The following HNRNPUL1 variants were observed in gnomAD, a reference collection of about 807,000 sequenced individuals.
The protein encoded by HNRNPUL1 is heterogeneous nuclear ribonucleoprotein U like 1, also known as heterogeneous nuclear ribonucleoprotein U-like protein 1.
HNRNPUL1 carries 14 observed loss-of-function variants against 108.5 expected under a neutral mutation model. The ratio of observed to expected loss-of-function variants is 0.13; its 90% CI spans 0.09 to 0.20. The LOEUF is 0.20. Ranked by LOEUF, HNRNPUL1 falls within the 10% of genes least tolerant of loss-of-function variation. HNRNPUL1 has a pLI of 1.00. For missense variants in HNRNPUL1, 804 were observed against 1,168.3 expected, an observed-to-expected ratio of 0.69 and a Z score of 4.55; for synonymous variants, 422 against 445.2, an observed-to-expected ratio of 0.95 and a Z score of 0.66.
rs10411097 is a variant in HNRNPUL1 at position 41,293,633 on chromosome 19, A to C, written c.1267-705A>C. On this transcript the variant is annotated intron_variant, in intron 8 of 14. Transcript: ENST00000392006. ...AAAGAAAGTTGTACCACTTCTACCCACTCCATGGGGCCAGTCCCAGTACAC... is the reference window on the plus strand; with the variant it reads ...AAAGAAAGTTGTACCACTTCTACCCCCTCCATGGGGCCAGTCCCAGTACAC... Among the ~76,000 whole-genome samples the C allele has an allele frequency of 6.3e-3, 963 of 151,812 alleles. 9 individuals carry two copies. Among genetic ancestry groups the C allele is most frequent in the African/African-American group, 0.022 (910 of 41,366 alleles).
chr19:41,279,124 C>G lies in HNRNPUL1; in HGVS notation c.834C>G (p.Asp278Glu). 1 of 1,614,036 alleles carries G rather than the reference C, an allele frequency of 6.2e-7. No individual in the cohort carries two copies. Among genetic ancestry groups the G allele is most frequent in the South Asian group, 1.1e-5 (1 of 91,082 alleles). The change falls in exon 6 of 15, where the codon GAC (aspartate) becomes GAG (glutamate). Residue 278 changes from aspartate to glutamate, a missense_variant. Coordinates refer to ENST00000392006, the MANE Select transcript of HNRNPUL1 (RefSeq NM_007040.6). Reference sequence around the variant, plus strand: ...AGCACCTTCCGTCTACAGAGCCTGACCCCCACGTGGTCCGTATCGGCTGGT... The same window carrying G: ...AGCACCTTCCGTCTACAGAGCCTGAGCCCCACGTGGTCCGTATCGGCTGGT... The part of the protein sequence containing the change: ...SVKHLPSTEP[D>E]PHVVRIGWSL...
intron 10 of HNRNPUL1, among the ~76,000 whole-genome samples, chr19:41,300,922 A>G (rs1487562238): frequency 1.3e-5 from 2 of 152,248 alleles, no homozygotes; most frequent in Non-Finnish European, 2.9e-5. Flanking sequence ...AACAAACTAC[A>G]AAACTGTCCA....
intron 7 of HNRNPUL1, among the ~76,000 whole-genome samples, chr19:41,281,605 C>T (rs1230213714): frequency 1.3e-5 from 2 of 152,088 alleles, no homozygotes. Context: ...TAGGAAATAG[C>T]CTGTCTGCTC....
At chr19:41,287,852 G>A (rs1171025495) in intron 7 of HNRNPUL1, among the ~76,000 whole-genome samples, 1 of 152,032 alleles carries the variant, frequency 6.6e-6, no homozygotes, top group Non-Finnish European at 1.5e-5. Context: ...CAGCCACTGC[G>A]CCCGGCCCTC....
rs946208215 is a variant in HNRNPUL1 at position 41,281,110 on chromosome 19, G to T, written c.887-53G>T. 1.5e-5 allele frequency: 16 copies of T among 1,102,504 alleles called. No individual in the cohort carries two copies. The African/African-American group carries it at 1.9e-4, about 13-fold the overall frequency. 68.3% of individuals were successfully genotyped at this position (1,102,504 alleles called of 1,614,324 possible). A position where few individuals can be genotyped will look rare whatever the true frequency, so the allele number is the denominator to read the frequency against. On this transcript the variant is annotated intron_variant, in intron 6 of 14. Transcript: ENST00000392006. ...AATAAAAGTATGTGGCAGCCATTGA[G>T]GCTGTTATGACCATCGCAGGTTTAA... is the stretch of plus-strand genomic sequence containing the variant.
At chr19:41,302,465 C>T (rs562368789) in intron 11 of HNRNPUL1, 200 bp from the exon 12 acceptor site, 442 of 673,604 alleles carry the variant, frequency 6.6e-4, no homozygotes, top group African/African-American at 5.5e-4. Flanking sequence ...GTGATCCACC[C>T]GCCTCGGCCT....
At position 41,264,872 on chromosome 19, in the gene HNRNPUL1, C is replaced by T. The variant is rs996141659; in HGVS notation, c.295+74C>T. On this transcript the variant is annotated intron_variant, in intron 1 of 14. Coordinates refer to ENST00000392006, the MANE Select transcript of HNRNPUL1 (RefSeq NM_007040.6). ...GAAAGGGCTGTGGGACGCGGGAGTCCAGCGCCTGAGGTCGGGGAGACGACC... is the reference window on the plus strand; with the variant it reads ...GAAAGGGCTGTGGGACGCGGGAGTCTAGCGCCTGAGGTCGGGGAGACGACC... The T allele has an allele frequency of 8.9e-5, 119 of 1,343,376 alleles. No individual in the cohort carries two copies. In the African/African-American group the frequency reaches 1.4e-3, roughly 16 times the overall value. 83.2% of individuals were successfully genotyped at this position (1,343,376 alleles called of 1,614,324 possible). A position where few individuals can be genotyped will look rare whatever the true frequency, so the allele number is the denominator to read the frequency against.
Position 41,294,702 on chromosome 19 carries a change from C to A in HNRNPUL1, c.1518+16C>A. On this transcript the variant is annotated intron_variant, in intron 10 of 14. Transcript: ENST00000392006. The surrounding 1 kb of genome is among the most constrained non-coding windows in gnomAD (Gnocchi z 4.3). ...CCTAGATCAGGTACTTAATGATGAC[C>A]ATTGTGTCCTCAGGAGAAGGGAGGG... 1.2e-6 allele frequency: 2 copies of A among 1,613,858 alleles called. No homozygotes were observed. Among genetic ancestry groups the A allele is most frequent in the South Asian group, 2.2e-5 (2 of 90,940 alleles).
At chr19:41,303,090 G>A in intron 12 of HNRNPUL1, 141 bp downstream of exon 12, 1 of 967,420 alleles carries the variant, frequency 1.0e-6, no homozygotes, top group South Asian at 2.3e-5. Flanking sequence ...AAACAAGTCA[G>A]ACACGGAGAC....
rs758701018 is a variant in HNRNPUL1, at chr19:41,292,218, T to C, written c.1000-27T>C. The C allele has an allele frequency of 3.4e-5, 54 of 1,610,864 alleles. No individual in the cohort carries two copies. The highest frequency in any genetic ancestry group is 4.3e-5 in the Non-Finnish European group (51 of 1,177,504). On this transcript the variant is annotated intron_variant, in intron 7 of 14. Transcript: ENST00000392006. This position sits in a 1 kb window ranked among gnomAD's most constrained non-coding sequence, Gnocchi z 4.1. The stretch of plus-strand genomic sequence containing the variant: ...CAGTGCCTATGGCAAGAGTTGGCAA[T>C]CATATTCCTTTGGCTTTTTCTCCTA...
chr19:41,293,846 G>A (rs2122838436), intron 8 of HNRNPUL1, among the ~76,000 whole-genome samples: 1 of 152,196 alleles, frequency 6.6e-6, no homozygotes, highest in East Asian at 1.9e-4. Flanking sequence ...ACCAAAAAAA[G>A]AGAGAAAAAG....
intron 1 of HNRNPUL1, among the ~76,000 whole-genome samples, chr19:41,267,641 T>C (rs2034931883): frequency 6.6e-6 from 1 of 152,206 alleles, no homozygotes; most frequent in African/African-American, 2.4e-5. Context: ...GGCAGAATAG[T>C]CTCTCCTTCC....
chr19:41,265,707 C>T (rs1210207405), intron 1 of HNRNPUL1, among the ~76,000 whole-genome samples: 3 of 151,652 alleles, frequency 2.0e-5, no homozygotes, highest in Non-Finnish European at 2.9e-5. Flanking sequence ...CTGGAGCTAA[C>T]TGTGGGGTTT....
chr19:41,278,981 T>G (rs546354054), intron 5 of HNRNPUL1, 96 bp from the exon 6 acceptor site: 124 of 856,502 alleles, frequency 1.4e-4, no homozygotes, highest in Admixed American at 5.8e-4. Context: ...AAGCCATTGC[T>G]ATTTTTTAAT....
intron 10 of HNRNPUL1, among the ~76,000 whole-genome samples, chr19:41,297,939 AGAG>A (rs2036984695): frequency 6.6e-6 from 1 of 152,152 alleles, no homozygotes; most frequent in African/African-American, 2.4e-5. Context: ...AGCCATCCCT[AGAG>A]CCTGAAGCCC....
chr19:41,269,357 A>G (rs1444708699), intron 2 of HNRNPUL1, among the ~76,000 whole-genome samples: 1 of 151,780 alleles, frequency 6.6e-6, no homozygotes, highest in South Asian at 2.1e-4. Flanking sequence ...GCACACACCT[A>G]TAGTTAAAGC....
In HNRNPUL1 at chr19:41,292,445, C is replaced by A; in HGVS notation, c.1200C>A (p.Ile400=). ...YCSVLPGFTF[I]QHLPLSERIR... ...CTGTCCTCCCGGGGTTTACCTTCAT[C>A]CAGCACCTTCCCCTTAGTGAGCGTA... Residue 400 remains isoleucine (I), a synonymous_variant, in exon 8 of 15, where the codon ATC becomes ATA. Transcript: ENST00000392006. The surrounding 1 kb of genome is among the most constrained non-coding windows in gnomAD (Gnocchi z 4.1). The A allele has an allele frequency of 6.2e-7, 1 of 1,614,132 alleles. No individual in the cohort carries two copies. Among genetic ancestry groups the A allele is most frequent in the Non-Finnish European group, 8.5e-7 (1 of 1,180,002 alleles).
At chr19:41,300,002 T>G (rs1200861221) in intron 10 of HNRNPUL1, among the ~76,000 whole-genome samples, 1 of 152,088 alleles carries the variant, frequency 6.6e-6, no homozygotes, top group Non-Finnish European at 1.5e-5. Flanking sequence ...AAGACATCCA[T>G]GCCGTTTTCC....
At chr19:41,264,284 C>A, upstream of HNRNPUL1, 1 of 405,510 alleles carries the variant, frequency 2.5e-6, no homozygotes, top group Admixed American at 4.4e-5. Flanking sequence ...GTTTCCGGGC[C>A]CGCGCCCGTT....
Sources: gnomAD v4.1 joint callset for allele counts (sites outside exome capture counted in the v4.1 genomes callset) on GRCh38, gnomAD v4.1.1 for gene constraint, Gnocchi (gnomAD v3.1) non-coding constraint, MANE v1.5 for transcripts, NCBI Gene and HGNC (gene_info 2026-07-23, HGNC 2026-07-21) for gene names.